Variants in GPAT4 observed in about 807,000 individuals in gnomAD.
GPAT4 encodes glycerol-3-phosphate acyltransferase 4, also known as 1-AGP acyltransferase 6.
A neutral mutation model predicts 58.0 loss-of-function variants in GPAT4; 17 were observed. That is an observed-to-expected ratio of 0.29 (90% confidence interval 0.20 to 0.44). The LOEUF (loss-of-function observed/expected upper bound fraction) is 0.44. Ranked by LOEUF, GPAT4 falls within the 20% of genes least tolerant of loss-of-function variation. The pLI, the probability that GPAT4 is intolerant of heterozygous loss-of-function variation, is 1.00. For missense variants in GPAT4, 377 were observed against 574.5 expected (o/e 0.66, Z 3.51); for synonymous variants, 204 against 210.1 (o/e 0.97, Z 0.25).
rs1376504094 is a variant in GPAT4 at position 41,620,850 on chromosome 8, G to A, written c.1263-43G>A. On this transcript the variant is annotated intron_variant, in intron 12 of 12. Coordinates refer to ENST00000396987, the MANE Select transcript of GPAT4 (RefSeq NM_178819.4). ...TCTCCCATGGTGTGAGCGTGGCTGG[G>A]AGCCCTCTTGGCTGTTACTACATCC... The A allele has an allele frequency of 2.6e-6, 4 of 1,549,130 alleles. No individual in the cohort carries two copies. The African/African-American group carries it at 4.1e-5, about 16-fold the overall frequency.
chr8:41,613,006 G>A (rs1190457774), intron 8 of GPAT4, 46 bp downstream of exon 8: 1 of 1,557,414 alleles, frequency 6.4e-7, no homozygotes. Flanking sequence ...TTAGAATGCT[G>A]AAAAGGTTTC....
intron 1 of GPAT4, among the ~76,000 whole-genome samples, chr8:41,597,550 A>G (rs1431366651): frequency 1.3e-5 from 2 of 152,062 alleles, no homozygotes; most frequent in Non-Finnish European, 2.9e-5. Flanking sequence ...CTGCAATTCC[A>G]TTTCTAGGAA....
chr8:41,600,506 T>C (rs1461476905), intron 2 of GPAT4, among the ~76,000 whole-genome samples: 2 of 152,142 alleles, frequency 1.3e-5, no homozygotes, highest in Non-Finnish European at 2.9e-5. Context: ...TGTTACATTA[T>C]AGTGTGAAAT....
chr8:41,597,123 GCTAT>G (rs1229967427), intron 1 of GPAT4, among the ~76,000 whole-genome samples: 1 of 152,198 alleles, frequency 6.6e-6, no homozygotes, highest in Non-Finnish European at 1.5e-5. Flanking sequence ...ACGATGCTGG[GCTAT>G]CTGCCTGTGG....
rs374853413 is a variant in GPAT4 at position 41,615,018 on chromosome 8, T to C, written c.1023T>C (p.Ile341=). The C allele has an allele frequency of 2.7e-5, 43 of 1,613,942 alleles. No individual in the cohort carries two copies. The highest frequency in any genetic ancestry group is 1.3e-4 in the South Asian group (12 of 91,092). Residue 341 remains isoleucine, a synonymous_variant, in exon 10 of 13, where the codon ATT becomes ATC. Coordinates refer to ENST00000396987, the MANE Select transcript of GPAT4 (RefSeq NM_178819.4). ...VMMFKKGSFE[I]GATVYPVAIK... is the part of the protein sequence containing the mutation. Reference sequence around the variant, plus strand: ...TGTTCAAAAAGGGAAGTTTTGAAATTGGAGCCACAGTTTACCCTGTTGCTA... The same window carrying C: ...TGTTCAAAAAGGGAAGTTTTGAAATCGGAGCCACAGTTTACCCTGTTGCTA...
At chr8:41,596,807 T>C (rs1394729416) in intron 1 of GPAT4, among the ~76,000 whole-genome samples, 1 of 152,146 alleles carries the variant, frequency 6.6e-6, no homozygotes, top group Non-Finnish European at 1.5e-5. Context: ...AGACACCAAG[T>C]TGTAGAAGGA....
In GPAT4 at chr8:41,618,882, T is replaced by A; in HGVS notation, c.1183-16T>A. The A allele has an allele frequency of 6.2e-7, 1 of 1,614,190 alleles. No homozygotes were observed. The highest frequency in any genetic ancestry group is 8.5e-7 in the Non-Finnish European group (1 of 1,180,036). On this transcript the variant is annotated splice_polypyrimidine_tract_variant and intron_variant, in intron 11 of 12. Coordinates refer to ENST00000396987, the MANE Select transcript of GPAT4 (RefSeq NM_178819.4). ...TCAAGCCGGGGCTGAGTGGTCTCAT[T>A]TGTTCTTTCTTACAGGCAGATGAAG...
chr8:41,617,294 G>A (rs191879600), intron 10 of GPAT4, among the ~76,000 whole-genome samples: 143 of 152,252 alleles, frequency 9.4e-4, no homozygotes, highest in Admixed American at 2.0e-3. Context: ...AACCTGGGAG[G>A]TGGAGCTTGC....
intron 5 of GPAT4, among the ~76,000 whole-genome samples, chr8:41,611,590 G>T (rs1001648302): frequency 1.3e-5 from 2 of 152,218 alleles, no homozygotes; most frequent in African/African-American, 2.4e-5. Context: ...TTGGCCTCTG[G>T]CCTTGGACCT....
chr8:41,613,445 T>G (rs1033445008), intron 8 of GPAT4, among the ~76,000 whole-genome samples: 15 of 151,148 alleles, frequency 9.9e-5, no homozygotes, highest in Non-Finnish European at 1.0e-4. Context: ...TTCTTAACCT[T>G]TTTTTAATTC....
chr8:41,610,902 A>G (rs1803422429), intron 5 of GPAT4, 92 bp downstream of exon 5: 2 of 1,315,882 alleles, frequency 1.5e-6, no homozygotes, highest in East Asian at 2.4e-5. Flanking sequence ...TTTGGACACA[A>G]CCAAAGCCAT....
intron 1 of GPAT4, among the ~76,000 whole-genome samples, chr8:41,583,615 A>G (rs1358824139): frequency 6.6e-6 from 1 of 152,196 alleles, no homozygotes; most frequent in African/African-American, 2.4e-5. Context: ...ATTGAACTCC[A>G]GTGTGCATTT....
At chr8:41,582,580 A>C (rs1214020641) in intron 1 of GPAT4, among the ~76,000 whole-genome samples, 1 of 152,124 alleles carries the variant, frequency 6.6e-6, no homozygotes, top group Non-Finnish European at 1.5e-5. Flanking sequence ...TGCTATATAC[A>C]CAATTTTAAA....
At chr8:41,603,441 G>A (rs1029680548) in intron 2 of GPAT4, among the ~76,000 whole-genome samples, 1 of 150,246 alleles carries the variant, frequency 6.7e-6, no homozygotes, top group Non-Finnish European at 1.5e-5. Context: ...CAGAAGAATC[G>A]CTTGAACCCA....
At chr8:41,607,173 A>G (rs887921467) in intron 2 of GPAT4, among the ~76,000 whole-genome samples, 10 of 152,036 alleles carry the variant, frequency 6.6e-5, no homozygotes, top group Non-Finnish European at 1.5e-5. Context: ...GGTGTGAGCC[A>G]CTGCACCCAG....
intron 2 of GPAT4, among the ~76,000 whole-genome samples, chr8:41,600,892 A>G (rs987204199): frequency 6.6e-6 from 1 of 151,822 alleles, no homozygotes; most frequent in African/African-American, 2.4e-5. Flanking sequence ...TCAGCATAAC[A>G]TTTTCAAGGT....
At chr8:41,582,672 A>AGTGTGT (rs1195801606) in intron 1 of GPAT4, among the ~76,000 whole-genome samples, 121 of 106,658 alleles carry the variant, frequency 1.1e-3, no homozygotes, top group African/African-American at 4.4e-3. Flanking sequence ...GGAGAGAGAG[A>AGTGTGT]GAGTGTGTGT....
At chr8:41,592,878 T>C (rs1006622914) in intron 1 of GPAT4, among the ~76,000 whole-genome samples, 1 of 152,174 alleles carries the variant, frequency 6.6e-6, no homozygotes, top group Non-Finnish European at 1.5e-5. Flanking sequence ...TGGTTATTAC[T>C]AGCTCTAAGG....
chr8:41,617,100 G>A (rs886139424), intron 10 of GPAT4, among the ~76,000 whole-genome samples: 4 of 152,148 alleles, frequency 2.6e-5, no homozygotes, highest in East Asian at 1.9e-4. Flanking sequence ...AGTGGTTCAC[G>A]CCTGTAATCC....
Sources: allele counts gnomAD v4.1 joint callset (sites outside exome capture counted in the v4.1 genomes callset), GRCh38; gene constraint gnomAD v4.1.1; transcripts MANE v1.5; gene names NCBI Gene and HGNC (gene_info 2026-07-23, HGNC 2026-07-21).